Variants in PDZK1 observed in about 807,000 individuals in gnomAD.
PDZK1 encodes the protein PDZ domain containing 1.
A neutral mutation model predicts 38.1 loss-of-function variants in PDZK1; 23 were observed. The ratio of observed to expected loss-of-function variants is 0.60; its 90% CI spans 0.43 to 0.85. The LOEUF (loss-of-function observed/expected upper bound fraction) is 0.85, where lower values mean the gene tolerates loss of function less well. Ranked by LOEUF, PDZK1 falls within the 40% of genes least tolerant of loss-of-function variation. PDZK1 has a pLI of 0.00. For synonymous variants in PDZK1, 98 were observed against 186.2 expected (o/e 0.53, Z 3.86); for missense variants, 297 against 504.3 (o/e 0.59, Z 3.94).
chr1:145,693,308 C>T (rs1655388385), intron 1 of PDZK1, among the ~76,000 whole-genome samples: 2 of 152,118 alleles, frequency 1.3e-5, no homozygotes, highest in Admixed American at 1.3e-4. Flanking sequence ...CTCTCTATGG[C>T]ACATTATCTC....
chr1:145,688,031 G>GA lies in PDZK1; in HGVS notation c.-2-9dup, dbSNP rs782486466. On this transcript the variant is annotated splice_polypyrimidine_tract_variant and intron_variant, in intron 1 of 8. Transcript: ENST00000417171. Reference sequence around the variant, plus strand: ...TGAAGGTGGAGGTCATTTCTGTGATGAAAAAAATAAATTAATAAAACCATG... The same window carrying GA: ...TGAAGGTGGAGGTCATTTCTGTGATGAAAAAAAATAAATTAATAAAACCATG... The GA allele has an allele frequency of 2.5e-6, 4 of 1,605,632 alleles. No individual in the cohort carries two copies. In the East Asian group the frequency reaches 6.7e-5, roughly 27 times the overall value.
chr1:145,702,164 T>C (rs587749459), intron 1 of PDZK1, among the ~76,000 whole-genome samples: 8 of 152,264 alleles, frequency 5.3e-5, no homozygotes, highest in African/African-American at 1.9e-4. Flanking sequence ...TGATCAAGAA[T>C]GGAATCTACT....
At chr1:145,677,037 CAGAG>C (rs781940355) in intron 6 of PDZK1, among the ~76,000 whole-genome samples, 1 of 152,178 alleles carries the variant, frequency 6.6e-6, no homozygotes, top group Non-Finnish European at 1.5e-5. Flanking sequence ...AACTGAAGCA[CAGAG>C]AGAGGTGGTA....
intron 3 of PDZK1, 146 bp downstream of exon 3, chr1:145,686,331 G>A (rs1236263067): frequency 3.1e-5 from 23 of 746,756 alleles, no homozygotes; most frequent in Admixed American, 8.2e-5. Flanking sequence ...AGTGAGAGAC[G>A]GAGGGAGGCA....
chr1:145,706,997 T>C (rs969100056), intron 1 of PDZK1, among the ~76,000 whole-genome samples: 11 of 152,150 alleles, frequency 7.2e-5, no homozygotes, highest in African/African-American at 2.7e-4. Context: ...AAGTCAGTTG[T>C]CTCACTCCCT....
At chr1:145,687,524 C>CAAAA (rs11420111) in intron 2 of PDZK1, among the ~76,000 whole-genome samples, 3 of 64,610 alleles carry the variant, frequency 4.6e-5, no homozygotes, top group African/African-American at 6.3e-5. Context: ...AACTCCATCT[C>CAAAA]AAAAAAAAAA....
chr1:145,674,806 T>G (rs1653479994), intron 6 of PDZK1, among the ~76,000 whole-genome samples: 1 of 152,036 alleles, frequency 6.6e-6, no homozygotes, highest in Non-Finnish European at 1.5e-5. Flanking sequence ...CTAATTAATC[T>G]CCTCTCATAC....
At chr1:145,702,399 C>G (rs1186607173) in intron 1 of PDZK1, among the ~76,000 whole-genome samples, 3 of 152,162 alleles carry the variant, frequency 2.0e-5, no homozygotes, top group Non-Finnish European at 4.4e-5. Flanking sequence ...TGCTGATAGA[C>G]AGCTCAACCG....
chr1:145,680,558 C>T (rs1160464869), intron 5 of PDZK1, among the ~76,000 whole-genome samples: 1 of 152,052 alleles, frequency 6.6e-6, no homozygotes, highest in Non-Finnish European at 1.5e-5. Flanking sequence ...TCAGTGACAT[C>T]GTGTTAGTAA....
At chr1:145,690,684 G>T (rs1335319081) in intron 1 of PDZK1, among the ~76,000 whole-genome samples, 1 of 152,186 alleles carries the variant, frequency 6.6e-6, no homozygotes, top group East Asian at 1.9e-4. Context: ...ACGCCCTGCA[G>T]TGTCAACCAC....
intron 1 of PDZK1, among the ~76,000 whole-genome samples, chr1:145,692,893 C>T (rs1655339084): frequency 6.6e-6 from 1 of 151,630 alleles, no homozygotes; most frequent in East Asian, 1.9e-4. Context: ...AAAAAATTAG[C>T]TGGGTGTGGT....
rs147615432 is a variant in PDZK1, at chr1:145,705,942, G to A, written c.-3+1375C>T. 6.4e-4 allele frequency among the ~76,000 whole-genome samples: 98 copies of A among 152,002 alleles called. 1 individual carries two copies. Among genetic ancestry groups the A allele is most frequent in the African/African-American group, 2.2e-3 (93 of 41,448 alleles). On this transcript the variant is annotated intron_variant, in intron 1 of 8. Transcript: ENST00000417171. ...ATTTATTATTATTTTTTGTAGAGAC[G>A]GGGGTCTCACTTCATTGCCCAGGCT...
chr1:145,679,616 C>T (rs1654038368), intron 5 of PDZK1, among the ~76,000 whole-genome samples: 1 of 152,090 alleles, frequency 6.6e-6, no homozygotes, highest in Non-Finnish European at 1.5e-5. Flanking sequence ...CCTGGTGCAA[C>T]AGAATGAGCA....
chr1:145,683,972 G>A lies in PDZK1; in HGVS notation c.461-1336C>T, dbSNP rs587763252. Among the ~76,000 whole-genome samples, 49 of 151,456 alleles carry A rather than the reference G, an allele frequency of 3.2e-4. 3 individuals carry two copies. Among genetic ancestry groups the A allele is most frequent in the Admixed American group, 1.8e-3 (28 of 15,192 alleles). ...AGCGATTCTCCTGCCTCAGCCTCTC[G>A]AGTAGCTGGGACTACAGGCGCCTGC... On this transcript the variant is annotated intron_variant, in intron 3 of 8. Transcript: ENST00000417171.
At chr1:145,696,519 A>C (rs1655637291) in intron 1 of PDZK1, among the ~76,000 whole-genome samples, 1 of 152,204 alleles carries the variant, frequency 6.6e-6, no homozygotes, top group Non-Finnish European at 1.5e-5. Flanking sequence ...AGAAAAGAGG[A>C]AGAGACATCA....
At chr1:145,692,299 T>C (rs1377858490) in intron 1 of PDZK1, among the ~76,000 whole-genome samples, 7 of 152,190 alleles carry the variant, frequency 4.6e-5, no homozygotes, top group Non-Finnish European at 1.0e-4. Flanking sequence ...GATTGATATA[T>C]GAGATCCTCA....
At position 145,686,490 on chromosome 1, in the gene PDZK1, C is replaced by T; in HGVS notation, c.447G>A (p.Leu149=). ...VKEGGSYGFS[L]KTVQGKKGVY... ...AAAAATTCTCACCTTGGACAGTTTT[C>T]AGAGAGAAGCCATAGCTGCCTCCTT... is the stretch of plus-strand genomic sequence containing the variant. Residue 149 remains leucine, a synonymous_variant, in exon 3 of 9, where the codon CTG becomes CTA. Transcript: ENST00000417171. 1.9e-6 allele frequency: 3 copies of T among 1,612,050 alleles called. No individual in the cohort carries two copies. The highest frequency in any genetic ancestry group is 2.5e-6 in the Non-Finnish European group (3 of 1,179,852).
At chr1:145,698,034 G>C (rs1655739514) in intron 1 of PDZK1, among the ~76,000 whole-genome samples, 1 of 151,920 alleles carries the variant, frequency 6.6e-6, no homozygotes, top group Non-Finnish European at 1.5e-5. Context: ...CTCTTCTCCA[G>C]GGGCAGAAGA....
intron 2 of PDZK1, among the ~76,000 whole-genome samples, chr1:145,687,524 C>CAA (rs11420111): frequency 2.8e-3 from 179 of 64,054 alleles, no homozygotes; most frequent in East Asian, 4.7e-3. Context: ...AACTCCATCT[C>CAA]AAAAAAAAAA....
Sources: gnomAD v4.1 joint callset for allele counts (sites outside exome capture counted in the v4.1 genomes callset) on GRCh38, gnomAD v4.1.1 for gene constraint, MANE v1.5 for transcripts, NCBI Gene and HGNC (gene_info 2026-07-23, HGNC 2026-07-21) for gene names.